RASSF8: variants seen among roughly 807,000 people sequenced by gnomAD.
The protein encoded by RASSF8 is Ras association domain family member 8.
A neutral mutation model predicts 48.5 loss-of-function variants in RASSF8; 22 were observed. The observed-to-expected ratio is 0.45, with a 90% CI of 0.32 to 0.65. The LOEUF is 0.65. Among genes scored for constraint, RASSF8 ranks in the 30% least tolerant of loss-of-function variants. RASSF8 has a pLI of 0.03. For synonymous variants in RASSF8, 127 were observed against 171.5 expected (o/e 0.74, Z 2.03); for missense variants, 418 against 489.2 (o/e 0.85, Z 1.37).
chr12:25,966,047 C>T (rs1444993126), intron 1 of RASSF8, among the ~76,000 whole-genome samples: 2 of 152,038 alleles, frequency 1.3e-5, no homozygotes, highest in Admixed American at 1.3e-4. Context: ...TGGGTAAGTA[C>T]CCAGGAGTGG....
intron 3 of RASSF8, among the ~76,000 whole-genome samples, chr12:26,061,750 G>A (rs1426402011): frequency 6.6e-6 from 1 of 152,080 alleles, no homozygotes; most frequent in Admixed American, 6.6e-5. Context: ...TAAAAACAGC[G>A]ATTGTGGAAT....
chr12:25,991,333 G>A (rs1308401543), intron 1 of RASSF8, among the ~76,000 whole-genome samples: 2 of 151,724 alleles, frequency 1.3e-5, no homozygotes, highest in African/African-American at 4.8e-5. Context: ...ACTTCTATTT[G>A]CATTGCTATA....
At chr12:25,995,227 C>CTTTTA (rs1942105811) in intron 2 of RASSF8, 97 bp downstream of exon 2, 1 of 152,092 alleles carries the variant, frequency 6.6e-6, no homozygotes, top group African/African-American at 2.4e-5. Context: ...TTTTGGGAGA[C>CTTTTA]TTTTATAGAT....
intron 2 of RASSF8, among the ~76,000 whole-genome samples, chr12:26,031,400 TC>T (rs1943027977): frequency 6.6e-6 from 1 of 152,150 alleles, no homozygotes; most frequent in East Asian, 1.9e-4. Flanking sequence ...GACCCATCCA[TC>T]CTCATCATGA....
At chr12:26,036,062 T>G (rs908426040) in intron 2 of RASSF8, among the ~76,000 whole-genome samples, 22 of 151,224 alleles carry the variant, frequency 1.5e-4, no homozygotes, top group African/African-American at 5.1e-4. Flanking sequence ...GCTTCTTCAT[T>G]TTAGCTTTTT....
rs1943286389 is a variant in RASSF8, at chr12:26,042,494, T to G, written c.-108-12742T>G. Among the ~76,000 whole-genome samples the G allele has an allele frequency of 2.0e-5, 3 of 152,148 alleles. No individual in the cohort carries two copies. In the South Asian group the frequency reaches 6.2e-4, roughly 32 times the overall value. On this transcript the variant is annotated intron_variant, in intron 2 of 5. Coordinates refer to ENST00000689635, the MANE Select transcript of RASSF8 (RefSeq NM_001394098.1). Reference sequence around the variant, plus strand: ...AAACCTGAGTTTGTAGGGTGGAGCATGTCTTCTTTCCTGATGAGATTCAGT... The same window carrying G: ...AAACCTGAGTTTGTAGGGTGGAGCAGGTCTTCTTTCCTGATGAGATTCAGT...
intron 1 of RASSF8, among the ~76,000 whole-genome samples, chr12:25,973,067 TCTCA>T (rs1416382504): frequency 2.0e-5 from 3 of 152,128 alleles, no homozygotes; most frequent in Non-Finnish European, 2.9e-5. Context: ...TGAGACAGGG[TCTCA>T]CTCTGTTGTC....
At chr12:26,055,529 G>C in intron 3 of RASSF8, 83 bp downstream of exon 3, 2 of 1,217,670 alleles carry the variant, frequency 1.6e-6, no homozygotes, top group Non-Finnish European at 1.2e-6. Context: ...TAGATTTCTA[G>C]GGGATTTTGT....
intron 2 of RASSF8, among the ~76,000 whole-genome samples, chr12:26,019,603 G>C (rs1477016226): frequency 7.3e-6 from 1 of 136,530 alleles, no homozygotes; most frequent in Non-Finnish European, 1.5e-5. Context: ...GTGTGTGTGT[G>C]TCTGTGTGTG....
downstream of RASSF8, among the ~76,000 whole-genome samples, chr12:26,077,301 A>G (rs1401623495): frequency 6.6e-6 from 1 of 152,174 alleles, no homozygotes; most frequent in Non-Finnish European, 1.5e-5. Context: ...TTTTGTTGCC[A>G]TTGCTTTTGG....
intron 2 of RASSF8, among the ~76,000 whole-genome samples, chr12:26,011,300 G>C (rs1942518657): frequency 6.6e-6 from 1 of 152,180 alleles, no homozygotes; most frequent in Admixed American, 6.5e-5. Context: ...GGTACTGACT[G>C]TAGCCAGGAT....
In RASSF8 at chr12:25,970,918, A is replaced by G. The variant is rs150148937; in HGVS notation, c.-203+11770A>G. ...TGCCAGAACACTTGACGGTATTAAAACCAGCCTGGCTGTCCCTTTCTCTTG... is the reference window on the plus strand; with the variant it reads ...TGCCAGAACACTTGACGGTATTAAAGCCAGCCTGGCTGTCCCTTTCTCTTG... On this transcript the variant is annotated intron_variant, in intron 1 of 5. Transcript: ENST00000689635. Among the ~76,000 whole-genome samples, 467 of 152,288 alleles carry G rather than the reference A, an allele frequency of 3.1e-3. 6 individuals carry two copies. Among genetic ancestry groups the G allele is most frequent in the African/African-American group, 0.011 (447 of 41,560 alleles).
At chr12:26,065,707 C>T (rs932074724) in intron 4 of RASSF8, among the ~76,000 whole-genome samples, 1 of 152,146 alleles carries the variant, frequency 6.6e-6, no homozygotes, top group Non-Finnish European at 1.5e-5. Flanking sequence ...AAGAGCTGTC[C>T]ATGGATTGGT....
intron 2 of RASSF8, among the ~76,000 whole-genome samples, chr12:26,017,409 T>G (rs1034317471): frequency 3.3e-5 from 5 of 152,206 alleles, no homozygotes; most frequent in African/African-American, 1.2e-4. Context: ...GACTAGCAGA[T>G]GTAATATTAT....
intron 2 of RASSF8, among the ~76,000 whole-genome samples, chr12:26,029,125 A>T (rs1012901844): frequency 6.6e-6 from 1 of 152,144 alleles, no homozygotes; most frequent in Non-Finnish European, 1.5e-5. Flanking sequence ...TCTCTCTTCT[A>T]CCAGGGAACT....
At chr12:25,994,856 G>A (rs1259468396) in intron 1 of RASSF8, 181 bp from the exon 2 acceptor site, 1 of 152,182 alleles carries the variant, frequency 6.6e-6, no homozygotes, top group Non-Finnish European at 1.5e-5. Context: ...ACCCCACAAG[G>A]ACTGCAATTC....
chr12:26,054,464 C>CAGTTAAATGAG, intron 2 of RASSF8, among the ~76,000 whole-genome samples: 1 of 152,256 alleles, frequency 6.6e-6, no homozygotes, highest in Admixed American at 6.5e-5. Context: ...AGAAAACTAT[C>CAGTTAAATGAG]AAACCCAGTT....
Position 26,070,014 on chromosome 12 carries a change from CT to C in RASSF8, c.*1201del. Reference sequence around the variant, plus strand: ...TGTAAAACCAAATATGACTCAACACCTTTTTGATGAGTAGTGACTTAACTAA... The same window carrying C: ...TGTAAAACCAAATATGACTCAACACCTTTTGATGAGTAGTGACTTAACTAA... On this transcript the variant is annotated 3_prime_UTR_variant, in exon 6 of 6. Transcript: ENST00000689635. 1 of 977,720 alleles carries C rather than the reference CT, an allele frequency of 1.0e-6. No homozygotes were observed. Among genetic ancestry groups the C allele is most frequent in the Non-Finnish European group, 1.2e-6 (1 of 822,916 alleles). 60.6% of individuals were successfully genotyped at this position (977,720 alleles called of 1,614,324 possible).
At chr12:26,008,672 A>T (rs1164201239) in intron 2 of RASSF8, among the ~76,000 whole-genome samples, 1 of 152,250 alleles carries the variant, frequency 6.6e-6, no homozygotes, top group African/African-American at 2.4e-5. Flanking sequence ...TCTCATTTGA[A>T]CATAAAATAA....
Sources: allele counts gnomAD v4.1 joint callset (sites outside exome capture counted in the v4.1 genomes callset), GRCh38; gene constraint gnomAD v4.1.1; transcripts MANE v1.5; gene names NCBI Gene and HGNC (gene_info 2026-07-23, HGNC 2026-07-21).